The following NAALADL2 variants were observed in gnomAD, a reference collection of about 807,000 sequenced individuals.
NAALADL2 encodes the protein inactive N-acetylated-alpha-linked acidic dipeptidase-like protein 2.
In NAALADL2, 76 loss-of-function variants were observed where a neutral mutation model predicts 87.2. That is an observed-to-expected ratio of 0.87 (90% CI 0.72 to 1.05). The LOEUF (loss-of-function observed/expected upper bound fraction) is 1.05. Ranked by LOEUF, NAALADL2 falls within the 50% of genes least tolerant of loss-of-function variation. The pLI, the probability that NAALADL2 is intolerant of heterozygous loss-of-function variation, is 0.00. For synonymous variants in NAALADL2, 354 were observed against 331.0 expected (o/e 1.07, Z -0.75); for missense variants, 1,089 against 945.8 (o/e 1.15, Z -1.99).
At chr3:175,723,886 CCTTT>C (rs1025379713) in intron 11 of NAALADL2, among the ~76,000 whole-genome samples, 22 of 152,072 alleles carry the variant, frequency 1.4e-4, no homozygotes, top group Admixed American at 1.2e-3. Flanking sequence ...TTGTATCCTT[CCTTT>C]AAGATCCAGC....
chr3:175,071,951 C>T (rs1325574265), intron 1 of NAALADL2, among the ~76,000 whole-genome samples: 1 of 151,934 alleles, frequency 6.6e-6, no homozygotes, highest in Non-Finnish European at 1.5e-5. Flanking sequence ...TATGATGTGG[C>T]AGTCATATAT....
rs1725427948 is a variant in NAALADL2, at chr3:175,474,784, C to CT, written c.1653+3029dup. 3.3e-5 allele frequency among the ~76,000 whole-genome samples: 5 copies of CT among 152,142 alleles called. No individual in the cohort carries two copies. The South Asian group carries it at 1.0e-3, about 32-fold the overall frequency. Reference sequence around the variant, plus strand: ...AGCAATATGAAGTTAAAACCAAGTACTTTGAGTGCTCACCTTGTATTTGGT... The same window carrying CT: ...AGCAATATGAAGTTAAAACCAAGTACTTTTGAGTGCTCACCTTGTATTTGGT... On this transcript the variant is annotated intron_variant, in intron 9 of 13. Transcript: ENST00000454872.
chr3:174,666,613 T>C (rs1183315434), intron 2 of NAALADL2, among the ~76,000 whole-genome samples: 2 of 152,192 alleles, frequency 1.3e-5, no homozygotes, highest in Admixed American at 1.3e-4. Context: ...AGAACAAGTA[T>C]TCATTTGTGG....
chr3:175,054,466 T>C (rs373144269), intron 1 of NAALADL2, among the ~76,000 whole-genome samples: 2 of 152,208 alleles, frequency 1.3e-5, no homozygotes, highest in African/African-American at 4.8e-5. Flanking sequence ...AGCTCTTAAG[T>C]CAGTTAACAT....
At position 175,449,219 on chromosome 3, in the gene NAALADL2, C is replaced by T. The variant is rs553994143; in HGVS notation, c.1234+1847C>T. ...TCAGCCTTCCGAGTAGCTAGGGCTA[C>T]AGGCACATGACACTACACCCAGCTA... On this transcript the variant is annotated intron_variant, in intron 6 of 13. Coordinates refer to ENST00000454872, the MANE Select transcript of NAALADL2 (RefSeq NM_207015.3). Among the ~76,000 whole-genome samples the T allele has an allele frequency of 3.3e-5, 5 of 152,104 alleles. No individual in the cohort carries two copies. In the East Asian group the frequency reaches 7.7e-4, roughly 24 times the overall value.
chr3:175,281,081 G>A (rs984246231), intron 4 of NAALADL2, among the ~76,000 whole-genome samples: 1 of 148,112 alleles, frequency 6.8e-6, no homozygotes, highest in African/African-American at 2.5e-5. Flanking sequence ...TTTTTCTTTT[G>A]AATTTATATA....
chr3:174,844,131 A>G (rs1724332600), intron 3 of NAALADL2, among the ~76,000 whole-genome samples: 1 of 152,118 alleles, frequency 6.6e-6, no homozygotes, highest in South Asian at 2.1e-4. Context: ...GTTTCCTTCT[A>G]GTAGTTTCAT....
chr3:175,229,877 A>G (rs1474369600), intron 2 of NAALADL2, among the ~76,000 whole-genome samples: 2 of 152,022 alleles, frequency 1.3e-5, no homozygotes. Flanking sequence ...TAAAAGGAAA[A>G]TAGTTAAGAT....
intron 1 of NAALADL2, among the ~76,000 whole-genome samples, chr3:175,086,879 T>C (rs1719055946): frequency 6.6e-6 from 1 of 152,168 alleles, no homozygotes; most frequent in Admixed American, 6.5e-5. Context: ...ATCCTTTCTT[T>C]TTAACTAAAC....
At chr3:175,332,215 A>T (rs1452147960) in intron 5 of NAALADL2, among the ~76,000 whole-genome samples, 2 of 152,208 alleles carry the variant, frequency 1.3e-5, no homozygotes, top group Non-Finnish European at 2.9e-5. Context: ...AGAATTAGAA[A>T]AAACAATTAT....
intron 2 of NAALADL2, among the ~76,000 whole-genome samples, chr3:174,633,118 C>G (rs981807136): frequency 6.6e-6 from 1 of 151,730 alleles, no homozygotes; most frequent in Non-Finnish European, 1.5e-5. Flanking sequence ...TGAGTTGATA[C>G]TACCAGTATT....
At chr3:174,775,359 T>A (rs948127402) in intron 3 of NAALADL2, among the ~76,000 whole-genome samples, 1 of 152,152 alleles carries the variant, frequency 6.6e-6, no homozygotes, top group Non-Finnish European at 1.5e-5. Flanking sequence ...TAGTTTTGCC[T>A]ATTCTGGATA....
At chr3:175,327,386 A>C (rs1322105553) in intron 5 of NAALADL2, among the ~76,000 whole-genome samples, 2 of 151,814 alleles carry the variant, frequency 1.3e-5, no homozygotes, top group African/African-American at 4.8e-5. Flanking sequence ...CGATCTCTTG[A>C]CCTCGTGATC....
intron 1 of NAALADL2, chr3:174,536,786 T>G (rs1220617954): frequency 1.3e-5 from 2 of 152,144 alleles, no homozygotes; most frequent in African/African-American, 4.8e-5. Flanking sequence ...TTTTGTAAAA[T>G]AGCATCCAGA....
chr3:175,009,798 G>C (rs1749537527), intron 1 of NAALADL2, among the ~76,000 whole-genome samples: 1 of 151,956 alleles, frequency 6.6e-6, no homozygotes, highest in South Asian at 2.1e-4. Flanking sequence ...ATTTTTAAAT[G>C]CAAAATCTAG....
intron 8 of NAALADL2, among the ~76,000 whole-genome samples, chr3:175,470,283 A>G (rs560902318): frequency 8.5e-5 from 13 of 152,194 alleles, no homozygotes; most frequent in Admixed American, 2.6e-4. Flanking sequence ...TCTATTATAT[A>G]TTGTGTGGCA....
chr3:174,487,666 AT>A lies in NAALADL2; in HGVS notation c.-184+46636del, dbSNP rs1299369083. On this transcript the variant is annotated intron_variant, in intron 1 of 3. Transcript: ENST00000434257. ...CCCAGAGAAAATAATTAATAAAGGCATTAAGTTTAGAAAGCATGGAGTAAGA... is the reference window on the plus strand; with the variant it reads ...CCCAGAGAAAATAATTAATAAAGGCATAAGTTTAGAAAGCATGGAGTAAGA... Among the ~76,000 whole-genome samples, 3 of 151,568 alleles carry A rather than the reference AT, an allele frequency of 2.0e-5. No individual in the cohort carries two copies. In the Admixed American group the frequency reaches 2.0e-4, roughly 10 times the overall value.
intron 2 of NAALADL2, among the ~76,000 whole-genome samples, chr3:174,719,872 G>A (rs923954185): frequency 6.6e-6 from 1 of 152,134 alleles, no homozygotes; most frequent in African/African-American, 2.4e-5. Flanking sequence ...AGCGATCTTG[G>A]CTCACCGCAA....
chr3:175,041,463 T>G (rs1252311467), intron 1 of NAALADL2, among the ~76,000 whole-genome samples: 1 of 152,162 alleles, frequency 6.6e-6, no homozygotes, highest in African/African-American at 2.4e-5. Context: ...CTTTGGGATT[T>G]TCTTAAGATA....
Sources: allele counts gnomAD v4.1 joint callset (sites outside exome capture counted in the v4.1 genomes callset), GRCh38; gene constraint gnomAD v4.1.1; transcripts MANE v1.5; gene names NCBI Gene and HGNC (gene_info 2026-07-23, HGNC 2026-07-21).